Variants in STK3 observed in about 807,000 individuals in gnomAD.
STK3 encodes serine/threonine-protein kinase 3.
A neutral mutation model predicts 58.0 loss-of-function variants in STK3; 41 were observed. The ratio of observed to expected loss-of-function variants is 0.71; its 90% CI spans 0.55 to 0.92. The LOEUF (loss-of-function observed/expected upper bound fraction) is 0.92, where lower values mean the gene tolerates loss of function less well. STK3 is among the 40% of genes least tolerant of loss of function. The probability of loss-of-function intolerance (pLI) is 0.00; values close to 1 mark genes in which losing one functional copy is unlikely to be tolerated. For missense variants in STK3, 479 were observed against 602.7 expected, an observed-to-expected ratio of 0.79 and a Z score of 2.15; for synonymous variants, 170 against 191.0, an observed-to-expected ratio of 0.89 and a Z score of 0.91.
chr8:98,722,105 A>G (rs911117432), intron 4 of STK3, among the ~76,000 whole-genome samples: 6 of 152,182 alleles, frequency 3.9e-5, no homozygotes, highest in African/African-American at 1.4e-4. Flanking sequence ...AAATAAAAAA[A>G]GTAGCTCACT....
At chr8:98,650,799 C>G (rs1820843809) in intron 6 of STK3, among the ~76,000 whole-genome samples, 1 of 152,222 alleles carries the variant, frequency 6.6e-6, no homozygotes, top group South Asian at 2.1e-4. Flanking sequence ...GGGCGCCTGC[C>G]ATTGCCCAGG....
intron 1 of STK3, among the ~76,000 whole-genome samples, chr8:98,444,209 A>T (rs1818834891): frequency 6.6e-6 from 1 of 152,196 alleles, no homozygotes; most frequent in Non-Finnish European, 1.5e-5. Context: ...TATACAGAGG[A>T]GGTGTCCCTG....
At chr8:98,441,264 C>A (rs1216876048) in intron 1 of STK3, among the ~76,000 whole-genome samples, 1 of 152,184 alleles carries the variant, frequency 6.6e-6, no homozygotes, top group African/African-American at 2.4e-5. Flanking sequence ...ATAGACACAT[C>A]TTTATACCCG....
At chr8:98,700,577 T>G (rs562116176) in intron 6 of STK3, among the ~76,000 whole-genome samples, 181 of 152,344 alleles carry the variant, frequency 1.2e-3, no homozygotes, top group African/African-American at 3.7e-3. Flanking sequence ...TTTATGTGAG[T>G]TAAATTTCCA....
At chr8:98,610,090 T>G (rs971544923) in intron 6 of STK3, among the ~76,000 whole-genome samples, 4 of 151,968 alleles carry the variant, frequency 2.6e-5, no homozygotes, top group Non-Finnish European at 5.9e-5. Flanking sequence ...TAACTTATCT[T>G]AGTAATAAAA....
chr8:98,601,465 C>T (rs1298676634), intron 6 of STK3: 2 of 152,168 alleles, frequency 1.3e-5, no homozygotes, highest in Non-Finnish European at 1.5e-5. Flanking sequence ...TCACAAATTT[C>T]ACTCTCTCAG....
chr8:98,388,308 T>C (rs1183046507), upstream of STK3: 1 of 152,214 alleles, frequency 6.6e-6, no homozygotes, highest in Non-Finnish European at 1.5e-5. Flanking sequence ...CCCACTGTTA[T>C]AATGGAACTA....
chr8:98,634,545 T>C (rs1322919802), intron 6 of STK3, among the ~76,000 whole-genome samples: 1 of 151,912 alleles, frequency 6.6e-6, no homozygotes, highest in East Asian at 1.9e-4. Flanking sequence ...AGAGGGAGGA[T>C]ACTCTTGGTT....
intron 1 of STK3, among the ~76,000 whole-genome samples, chr8:98,795,327 C>T (rs893113500): frequency 8.5e-6 from 1 of 118,084 alleles, no homozygotes; most frequent in Non-Finnish European, 1.7e-5. Flanking sequence ...AATCCAACAT[C>T]CCTTCATGAT....
intron 1 of STK3, among the ~76,000 whole-genome samples, chr8:98,780,548 T>C (rs1832022304): frequency 1.3e-5 from 2 of 152,184 alleles, no homozygotes; most frequent in African/African-American, 2.4e-5. Flanking sequence ...ACTTCACTTA[T>C]AAGCTTTTAG....
intron 6 of STK3, among the ~76,000 whole-genome samples, chr8:98,630,688 GAGA>G (rs1473419587): frequency 6.7e-6 from 1 of 149,810 alleles, no homozygotes; most frequent in African/African-American, 2.5e-5. Context: ...GGAGGAGAAG[GAGA>G]AGAAGGAGGA....
intron 3 of STK3, among the ~76,000 whole-genome samples, chr8:98,848,209 C>T (rs1396689650): frequency 1.3e-5 from 2 of 152,052 alleles, no homozygotes; most frequent in Non-Finnish European, 2.9e-5. Flanking sequence ...TCAATTCCCT[C>T]ATCCCTCCCA....
intron 10 of STK3, among the ~76,000 whole-genome samples, chr8:98,515,613 G>A (rs1351613506): frequency 6.6e-6 from 1 of 152,046 alleles, no homozygotes; most frequent in Non-Finnish European, 1.5e-5. Flanking sequence ...AAGGCTTAGT[G>A]ATAGTATCAT....
At chr8:98,633,434 T>C (rs370800195) in intron 6 of STK3, 72 of 503,790 alleles carry the variant, frequency 1.4e-4, no homozygotes, top group Middle Eastern at 1.1e-3. Context: ...AGAGAGGAGA[T>C]TGAGACTGCA....
At chr8:98,832,255 A>AT (rs1554687706) in intron 3 of STK3, among the ~76,000 whole-genome samples, 7,321 of 138,680 alleles carry the variant, frequency 0.053, 223 homozygotes, top group South Asian at 0.083. Flanking sequence ...AAAAAAAAAA[A>AT]ATATATATAT....
intron 10 of STK3, among the ~76,000 whole-genome samples, chr8:98,477,702 C>CGGA (rs1554598760): frequency 4.4e-4 from 1 of 2,280 alleles, no homozygotes; most frequent in African/African-American, 2.1e-3. Flanking sequence ...TCACACTTGG[C>CGGA]GGGGGGGGGG....
At chr8:98,376,246 T>C (rs1181667729) in intron 2 of STK3, among the ~76,000 whole-genome samples, 1 of 152,232 alleles carries the variant, frequency 6.6e-6, no homozygotes, top group Non-Finnish European at 1.5e-5. Context: ...GTTAATGTCT[T>C]TTGCCCATTT....
chr8:98,931,234 T>C (rs926942129), intron 1 of STK3, among the ~76,000 whole-genome samples: 1 of 152,178 alleles, frequency 6.6e-6, no homozygotes, highest in Non-Finnish European at 1.5e-5. Flanking sequence ...CAGTGTTTTG[T>C]CTGGAAACTT....
At chr8:98,517,098 T>C (rs2131433279) in intron 10 of STK3, among the ~76,000 whole-genome samples, 1 of 152,176 alleles carries the variant, frequency 6.6e-6, no homozygotes, top group South Asian at 2.1e-4. Context: ...AAATGTGTCT[T>C]CAAAATAAAT....
Sources: allele counts gnomAD v4.1 joint callset (sites outside exome capture counted in the v4.1 genomes callset), GRCh38; gene constraint gnomAD v4.1.1; transcripts MANE v1.5; gene names NCBI Gene and HGNC (gene_info 2026-07-23, HGNC 2026-07-21).